The following GPC6 variants were observed in gnomAD, a reference collection of about 807,000 sequenced individuals.
GPC6 encodes glypican-6.
A neutral mutation model predicts 55.2 loss-of-function variants in GPC6; 14 were observed. The ratio of observed to expected loss-of-function variants is 0.25; its 90% confidence interval spans 0.17 to 0.40. The LOEUF (loss-of-function observed/expected upper bound fraction) is 0.40. Ranked by LOEUF, GPC6 falls within the 10% of genes least tolerant of loss-of-function variation. The pLI is 1.00. For synonymous variants in GPC6, 278 were observed against 259.6 expected, an observed-to-expected ratio of 1.07 and a Z score of -0.68; for missense variants, 641 against 708.5, an observed-to-expected ratio of 0.90 and a Z score of 1.08.
At chr13:93,286,180 G>A (rs541262081) in intron 1 of GPC6, among the ~76,000 whole-genome samples, 75 of 152,206 alleles carry the variant, frequency 4.9e-4, no homozygotes, top group African/African-American at 1.6e-3. Context: ...TTCATGGGGC[G>A]GCAGGAGAGA....
At chr13:94,087,263 C>A (rs9584184) in intron 4 of GPC6, among the ~76,000 whole-genome samples, 5,035 of 152,258 alleles carry the variant, frequency 0.033, 308 homozygotes, top group African/African-American at 0.12. Context: ...CGGAGACCTG[C>A]AAGCCATTAT....
rs1877930292 is a variant in GPC6 at position 93,280,953 on chromosome 13, C to T, written c.160+53337C>T. ...GTCAGGCTGTAATGCTCGTCCCTTGCTCACCTCCGGCTGTGTGGCCCAGTT... is the reference window on the plus strand; with the variant it reads ...GTCAGGCTGTAATGCTCGTCCCTTGTTCACCTCCGGCTGTGTGGCCCAGTT... On this transcript the variant is annotated intron_variant, in intron 1 of 8. Transcript: ENST00000377047. Among the ~76,000 whole-genome samples the T allele has an allele frequency of 2.6e-5, 4 of 152,194 alleles. No individual in the cohort carries two copies. The South Asian group carries it at 8.3e-4, about 31-fold the overall frequency.
At chr13:93,635,405 C>CA (rs1879650741) in intron 2 of GPC6, among the ~76,000 whole-genome samples, 1 of 152,020 alleles carries the variant, frequency 6.6e-6, no homozygotes, top group Non-Finnish European at 1.5e-5. Context: ...ACCTGAAGGC[C>CA]AGTGTTGATA....
At chr13:94,267,218 ATT>A (rs1473998879) in intron 4 of GPC6, among the ~76,000 whole-genome samples, 2 of 152,174 alleles carry the variant, frequency 1.3e-5, no homozygotes, top group Non-Finnish European at 2.9e-5. Context: ...AGTCAATATA[ATT>A]TTGTAATAAC....
chr13:93,676,168 T>TACACAC (rs757719039), intron 2 of GPC6, among the ~76,000 whole-genome samples: 5 of 39,454 alleles, frequency 1.3e-4, no homozygotes, highest in African/African-American at 4.3e-4. Context: ...TATATATATA[T>TACACAC]ACATACACAC....
intron 6 of GPC6, among the ~76,000 whole-genome samples, chr13:94,326,272 CTTAT>C (rs1877113235): frequency 6.6e-6 from 1 of 151,006 alleles, no homozygotes; most frequent in Admixed American, 6.6e-5. Flanking sequence ...ATTATCTTAC[CTTAT>C]TTATCTTCCC....
intron 1 of GPC6, chr13:93,394,933 C>G (rs189109574): frequency 3.4e-4 from 65 of 189,076 alleles, no homozygotes; most frequent in African/African-American, 1.4e-3. Context: ...CTACACTTTT[C>G]CAAAGAACAC....
Position 94,382,211 on chromosome 13 carries a change from C to T in GPC6, c.1153-203C>T, listed in dbSNP as rs1383105006. Among the ~76,000 whole-genome samples, 8 of 152,152 alleles carry T rather than the reference C, an allele frequency of 5.3e-5. No individual in the cohort carries two copies. The East Asian group carries it at 7.7e-4, about 15-fold the overall frequency. ...AAAAAGCCAATTACCTGAGAACTCTCGTCTAGAGGAGGACTGAGGGAGAGG... is the reference window on the plus strand; with the variant it reads ...AAAAAGCCAATTACCTGAGAACTCTTGTCTAGAGGAGGACTGAGGGAGAGG... On this transcript the variant is annotated intron_variant, in intron 6 of 8. Transcript: ENST00000377047.
chr13:93,642,875 T>C (rs1331823467), intron 2 of GPC6, among the ~76,000 whole-genome samples: 1 of 152,120 alleles, frequency 6.6e-6, no homozygotes, highest in Non-Finnish European at 1.5e-5. Context: ...TTCAGTATGT[T>C]ATGAAGAAAG....
intron 1 of GPC6, among the ~76,000 whole-genome samples, chr13:93,371,492 G>T (rs1365166254): frequency 6.6e-6 from 1 of 152,012 alleles, no homozygotes; most frequent in Non-Finnish European, 1.5e-5. Flanking sequence ...ATGCATTTTT[G>T]TTTAGAGTTT....
At chr13:93,487,230 TA>T (rs1405007514) in intron 1 of GPC6, among the ~76,000 whole-genome samples, 2 of 152,316 alleles carry the variant, frequency 1.3e-5, no homozygotes, top group Non-Finnish European at 2.9e-5. Context: ...AATTTTTTTT[TA>T]ACTTTTATTT....
chr13:94,363,642 C>A (rs1262821971), intron 6 of GPC6, among the ~76,000 whole-genome samples: 3 of 152,206 alleles, frequency 2.0e-5, no homozygotes, highest in Admixed American at 2.0e-4. Flanking sequence ...CTGGCCCCCT[C>A]TCCTGACGTG....
chr13:94,021,624 T>TA (rs377503101), intron 3 of GPC6, among the ~76,000 whole-genome samples: 38 of 149,216 alleles, frequency 2.5e-4, no homozygotes, highest in Middle Eastern at 3.4e-3. Context: ...ACTTTAGCCA[T>TA]AAAAAAAAAA....
At chr13:93,651,813 G>T (rs1880424642) in intron 2 of GPC6, among the ~76,000 whole-genome samples, 1 of 152,070 alleles carries the variant, frequency 6.6e-6, no homozygotes, top group African/African-American at 2.4e-5. Flanking sequence ...CTCAAACCTG[G>T]CTGCACATTA....
chr13:93,554,268 A>G (rs1875336034), intron 2 of GPC6, among the ~76,000 whole-genome samples: 1 of 152,178 alleles, frequency 6.6e-6, no homozygotes, highest in African/African-American at 2.4e-5. Flanking sequence ...CAATTTTTGT[A>G]TATTCAACAG....
chr13:94,034,247 A>AGGAAGGGAG (rs141372123), intron 4 of GPC6, among the ~76,000 whole-genome samples: 1 of 146,932 alleles, frequency 6.8e-6, no homozygotes, highest in East Asian at 2.0e-4. Context: ...GAAGGAAGGA[A>AGGAAGGGAG]GGAAAGAAAG....
chr13:93,976,551 C>A (rs1030005086), intron 3 of GPC6, among the ~76,000 whole-genome samples: 7 of 151,308 alleles, frequency 4.6e-5, no homozygotes, highest in Non-Finnish European at 7.4e-5. Context: ...GTTACAGCTG[C>A]GGTCTGAAGA....
At chr13:93,439,515 A>G (rs1351616528) in intron 1 of GPC6, among the ~76,000 whole-genome samples, 1 of 152,004 alleles carries the variant, frequency 6.6e-6, no homozygotes, top group Admixed American at 6.6e-5. Context: ...CTTCCCAGCT[A>G]TGTCGAACTG....
intron 1 of GPC6, among the ~76,000 whole-genome samples, chr13:93,257,916 G>A (rs1455401314): frequency 6.6e-6 from 1 of 152,196 alleles, no homozygotes; most frequent in Admixed American, 6.5e-5. Context: ...TTAGCTCTCA[G>A]TTGTTAGAGA....
Sources: gnomAD v4.1 joint callset for allele counts (sites outside exome capture counted in the v4.1 genomes callset) on GRCh38, gnomAD v4.1.1 for gene constraint, MANE v1.5 for transcripts, NCBI Gene and HGNC (gene_info 2026-07-23, HGNC 2026-07-21) for gene names.